Variants in TRDMT1 observed in about 807,000 individuals in gnomAD.
TRDMT1 encodes the protein tRNA (cytosine(38)-C(5))-methyltransferase.
Under a neutral mutation model 51.2 loss-of-function variants are expected in TRDMT1, and 49 were observed. The ratio of observed to expected loss-of-function variants is 0.96; its 90% confidence interval spans 0.76 to 1.21. The LOEUF (loss-of-function observed/expected upper bound fraction) is 1.21. Among genes scored for constraint, TRDMT1 ranks in the 50% most tolerant of loss-of-function variants. The pLI, the probability that TRDMT1 is intolerant of heterozygous loss-of-function variation, is 0.00. For synonymous variants in TRDMT1, 187 were observed against 164.6 expected, an observed-to-expected ratio of 1.14 and a Z score of -1.04; for missense variants, 534 against 462.3, an observed-to-expected ratio of 1.16 and a Z score of -1.42.
chr10:17,148,207 T>C lies in TRDMT1; in HGVS notation c.*833A>G, dbSNP rs545125194. The C allele has an allele frequency of 4.6e-5, 45 of 985,290 alleles. No homozygotes were observed. Among genetic ancestry groups the C allele is most frequent in the Middle Eastern group, 1.0e-3 (2 of 1,914 alleles). The allele number at this position is 985,290 out of a possible 1,614,324, so 61.0% of individuals were successfully genotyped here. A position where few individuals can be genotyped will look rare whatever the true frequency, so the allele number is the denominator to read the frequency against. ...GTATGTTGCTACAATAAAGAACAACTGGGGGGAGGGGAGTACTGTCATATG... is the reference window on the plus strand; with the variant it reads ...GTATGTTGCTACAATAAAGAACAACCGGGGGGAGGGGAGTACTGTCATATG... On this transcript the variant is annotated 3_prime_UTR_variant, in exon 11 of 11. Coordinates refer to ENST00000377799, the MANE Select transcript of TRDMT1 (RefSeq NM_004412.7).
chr10:17,153,733 T>C, intron 9 of TRDMT1, 97 bp from the exon 10 acceptor site: 1 of 1,315,856 alleles, frequency 7.6e-7, no homozygotes, highest in Non-Finnish European at 1.0e-6. Context: ...ACATACAGTC[T>C]GCTGTAACAC....
At chr10:17,178,239 C>A (rs1368314758) in intron 1 of TRDMT1, among the ~76,000 whole-genome samples, 2 of 152,086 alleles carry the variant, frequency 1.3e-5, no homozygotes, top group African/African-American at 4.8e-5. Flanking sequence ...TTGAATACAT[C>A]CAATGTCCTT....
chr10:17,150,892 G>A, intron 10 of TRDMT1: 1 of 985,132 alleles, frequency 1.0e-6, no homozygotes, highest in Non-Finnish European at 1.2e-6. Flanking sequence ...CTACAAACAG[G>A]CTTTTAGACT....
intron 1 of TRDMT1, among the ~76,000 whole-genome samples, chr10:17,180,539 CAAAAA>C (rs10627626): frequency 9.5e-6 from 1 of 104,960 alleles, no homozygotes; most frequent in African/African-American, 3.1e-5. Context: ...AACTCTGTCT[CAAAAA>C]AAAAAAAAAA....
At chr10:17,178,170 C>T (rs1014060100) in intron 1 of TRDMT1, among the ~76,000 whole-genome samples, 4 of 151,994 alleles carry the variant, frequency 2.6e-5, no homozygotes, top group Non-Finnish European at 4.4e-5. Context: ...TATACTCACA[C>T]CTGAGACATT....
At chr10:17,174,447 T>C in intron 2 of TRDMT1, 104 bp downstream of exon 2, 2 of 692,244 alleles carry the variant, frequency 2.9e-6, no homozygotes, top group Non-Finnish European at 4.8e-6. Context: ...TAAATTTATA[T>C]ATGCTTTATC....
At chr10:17,180,158 T>C (rs1308410750) in intron 1 of TRDMT1, among the ~76,000 whole-genome samples, 1 of 152,204 alleles carries the variant, frequency 6.6e-6, no homozygotes, top group African/African-American at 2.4e-5. Context: ...ATGGCTATGT[T>C]TGTCTATTAA....
intron 1 of TRDMT1, among the ~76,000 whole-genome samples, chr10:17,189,270 G>C (rs1354036902): frequency 6.6e-6 from 1 of 152,090 alleles, no homozygotes. Flanking sequence ...AAAATACTGG[G>C]ATCACAAGCG....
rs1170403470 is a variant in TRDMT1, at chr10:17,174,590, A to G, written c.135T>C (p.Tyr45=). The G allele has an allele frequency of 1.2e-6, 2 of 1,614,012 alleles. No individual in the cohort carries two copies. Among genetic ancestry groups the G allele is most frequent in the South Asian group, 2.2e-5 (2 of 91,056 alleles). Residue 45 remains tyrosine (Y), a synonymous_variant, in exon 2 of 11, where the codon TAT becomes TAC. Coordinates refer to ENST00000377799, the MANE Select transcript of TRDMT1 (RefSeq NM_004412.7). ...CAAGTAACTGTGTGTGAGGAAAATT[A>G]TACTTGTATACTTCATTAGCGACAG... ...VNTVANEVYK[Y]NFPHTQLLAK...
intron 5 of TRDMT1, 51 bp downstream of exon 5, chr10:17,161,432 T>C: frequency 7.9e-7 from 1 of 1,270,436 alleles, no homozygotes; most frequent in Non-Finnish European, 1.0e-6. Flanking sequence ...CAGTTCCTAC[T>C]ATAAGATATA....
At chr10:17,191,998 G>A (rs1036171448) in intron 1 of TRDMT1, among the ~76,000 whole-genome samples, 2 of 152,174 alleles carry the variant, frequency 1.3e-5, no homozygotes, top group African/African-American at 2.4e-5. Flanking sequence ...ATGAGGCAAG[G>A]TGGCATTAGT....
rs1837485384 is a variant in TRDMT1, at chr10:17,138,395, C to T, written c.*10645G>A. 6.6e-6 allele frequency among the ~76,000 whole-genome samples: 1 copy of T among 152,052 alleles called. No individual in the cohort carries two copies. The highest frequency in any genetic ancestry group is 1.5e-5 in the Non-Finnish European group (1 of 68,012). On this transcript the variant is annotated 3_prime_UTR_variant, in exon 11 of 11. Coordinates refer to ENST00000377799, the MANE Select transcript of TRDMT1 (RefSeq NM_004412.7). ...TGTGATTTTCTGCAAAATTTCAGGGCAATATAACATTGTTCCAATTCTTTC... is the reference window on the plus strand; with the variant it reads ...TGTGATTTTCTGCAAAATTTCAGGGTAATATAACATTGTTCCAATTCTTTC...
intron 1 of TRDMT1, among the ~76,000 whole-genome samples, chr10:17,191,254 G>A (rs1444778281): frequency 1.3e-5 from 2 of 152,140 alleles, no homozygotes; most frequent in Non-Finnish European, 2.9e-5. Flanking sequence ...CTGAGTGGTC[G>A]GAGAAGCTCC....
chr10:17,146,167 AC>A lies in TRDMT1; in HGVS notation c.*2872del, dbSNP rs1359439333. On this transcript the variant is annotated 3_prime_UTR_variant, in exon 11 of 11. Transcript: ENST00000377799. ...GTTGGATAATTTCAAGCAACAGTTTACCCTCAAATTTCTAAAAAAGTGCTGG... is the reference window on the plus strand; with the variant it reads ...GTTGGATAATTTCAAGCAACAGTTTACCTCAAATTTCTAAAAAAGTGCTGG... The A allele has an allele frequency of 2.0e-6, 2 of 985,298 alleles. No homozygotes were observed. Among genetic ancestry groups the A allele is most frequent in the Non-Finnish European group, 1.2e-6 (1 of 829,930 alleles). 61.0% of individuals were successfully genotyped at this position (985,298 alleles called of 1,614,324 possible).
At chr10:17,169,814 C>T (rs1236926345) in intron 2 of TRDMT1, among the ~76,000 whole-genome samples, 1 of 152,114 alleles carries the variant, frequency 6.6e-6, no homozygotes, top group Non-Finnish European at 1.5e-5. Flanking sequence ...AGTTTTTGAT[C>T]ATAGGATTTT....
At position 17,146,032 on chromosome 10, in the gene TRDMT1, G is replaced by T. The variant is rs1419102462; in HGVS notation, c.*3008C>A. On this transcript the variant is annotated 3_prime_UTR_variant, in exon 11 of 11. Transcript: ENST00000377799. ...TCCACCCCTACCAATGCGTTGAATT[G>T]CCTGCACTCATCTCTAACCCCATCC... The T allele has an allele frequency of 4.1e-6, 4 of 985,306 alleles. No individual in the cohort carries two copies. The highest frequency in any genetic ancestry group is 4.8e-6 in the Non-Finnish European group (4 of 829,962). The allele number at this position is 985,306 out of a possible 1,614,324, so 61.0% of individuals were successfully genotyped here.
intron 1 of TRDMT1, among the ~76,000 whole-genome samples, chr10:17,178,550 C>A (rs1423790647): frequency 6.6e-6 from 1 of 151,868 alleles, no homozygotes; most frequent in Admixed American, 6.6e-5. Flanking sequence ...GTGGCACACG[C>A]CTGTAATCCC....
chr10:17,169,540 C>G, intron 2 of TRDMT1: 1 of 1,289,616 alleles, frequency 7.8e-7, no homozygotes, highest in Non-Finnish European at 1.0e-6. Flanking sequence ...TGCTCCTTTT[C>G]TATATCTCAG....
In TRDMT1 at chr10:17,161,620, T is replaced by C; in HGVS notation, c.324-72A>G. 2 of 824,370 alleles carry C rather than the reference T, an allele frequency of 2.4e-6. 1 individual carries two copies. The highest frequency in any genetic ancestry group is 3.4e-6 in the Non-Finnish European group (2 of 588,732). 51.1% of individuals were successfully genotyped at this position (824,370 alleles called of 1,614,324 possible). ...AAGAAAAAGTAAAGAAAATCATTAC[T>C]TGTGGGAAATACGAGGTAAGTAATT... On this transcript the variant is annotated intron_variant, in intron 4 of 10. Transcript: ENST00000377799.
Sources: allele counts gnomAD v4.1 joint callset (sites outside exome capture counted in the v4.1 genomes callset), GRCh38; gene constraint gnomAD v4.1.1; transcripts MANE v1.5; gene names NCBI Gene and HGNC (gene_info 2026-07-23, HGNC 2026-07-21).